The following GNG11 variants were observed in gnomAD, a reference collection of about 807,000 sequenced individuals.
GNG11 encodes the protein guanine nucleotide-binding protein G(I)/G(S)/G(O) subunit gamma-11.
In GNG11, 6 loss-of-function variants were observed where a neutral mutation model predicts 7.4. That is an observed-to-expected ratio of 0.81 (90% CI 0.44 to 1.60). The LOEUF (loss-of-function observed/expected upper bound fraction) is 1.60, where lower values mean the gene tolerates loss of function less well. Ranked by LOEUF, GNG11 falls within the 40% of genes most tolerant of loss-of-function variation. The probability of loss-of-function intolerance (pLI) is 0.01; values close to 1 mark genes in which losing one functional copy is unlikely to be tolerated. For missense variants in GNG11, 65 were observed against 83.0 expected (o/e 0.78, Z 0.84); for synonymous variants, 31 against 25.9 (o/e 1.20, Z -0.60).
Position 93,927,166 on chromosome 7 carries a change from T to C in GNG11, c.*950T>C, listed in dbSNP as rs1038424669. 5.3e-5 allele frequency: 8 copies of C among 152,236 alleles called. No individual in the cohort carries two copies. Among genetic ancestry groups the C allele is most frequent in the Non-Finnish European group, 1.2e-4 (8 of 68,040 alleles). The allele number at this position is 152,236 out of a possible 1,614,324, so 9.4% of individuals were successfully genotyped here. A position where few individuals can be genotyped will look rare whatever the true frequency, so the allele number is the denominator to read the frequency against. ...GCCCACTTTAAAGATTAGTTGGTCT[T>C]TTTCTTACTGATTTGTAGGAATTCT... On this transcript the variant is annotated 3_prime_UTR_variant, in exon 2 of 2. Coordinates refer to ENST00000248564, the MANE Select transcript of GNG11 (RefSeq NM_004126.4).
rs1411185439 is a variant in GNG11, at chr7:93,928,586, T to C, written c.*2370T>C. On this transcript the variant is annotated 3_prime_UTR_variant, in exon 2 of 2. Transcript: ENST00000248564. Reference sequence around the variant, plus strand: ...TGTATAGTTGTGTAATTATTTACTATTTGATTAAAAATAGTTATCATGCAT... The same window carrying C: ...TGTATAGTTGTGTAATTATTTACTACTTGATTAAAAATAGTTATCATGCAT... 6.6e-6 allele frequency: 1 copy of C among 152,206 alleles called. No individual in the cohort carries two copies. The highest frequency in any genetic ancestry group is 2.4e-5 in the African/African-American group (1 of 41,456). The allele number at this position is 152,206 out of a possible 1,614,324, so 9.4% of individuals were successfully genotyped here.
rs2115937930 is a variant in GNG11 at position 93,926,777 on chromosome 7, G to A, written c.*561G>A. 1 of 152,406 alleles carries A rather than the reference G, an allele frequency of 6.6e-6. No individual in the cohort carries two copies. Among genetic ancestry groups the A allele is most frequent in the East Asian group, 1.9e-4 (1 of 5,180 alleles). The allele number at this position is 152,406 out of a possible 1,614,324, so 9.4% of individuals were successfully genotyped here. A position where few individuals can be genotyped will look rare whatever the true frequency, so the allele number is the denominator to read the frequency against. ...CATTGACAGAAGTCAGATTATCTGA[G>A]TCAGGAACAAGGCCAAGCCACATCT... On this transcript the variant is annotated 3_prime_UTR_variant, in exon 2 of 2. Coordinates refer to ENST00000248564, the MANE Select transcript of GNG11 (RefSeq NM_004126.4).
intron 1 of GNG11, among the ~76,000 whole-genome samples, chr7:93,925,627 A>AG (rs1182822937): frequency 6.6e-6 from 1 of 152,196 alleles, no homozygotes; most frequent in African/African-American, 2.4e-5. Context: ...TACACACCCC[A>AG]AAACATTTGG....
Position 93,921,965 on chromosome 7 carries a change from T to C in GNG11, c.-173T>C, listed in dbSNP as rs1275006278. On this transcript the variant is annotated 5_prime_UTR_variant, in exon 1 of 2. Transcript: ENST00000248564. ...CTGGGGCACGCTGGCGTGACAAGCG[T>C]CCCGGAGAAAGCCAAGCCCTCGGGG... 2.1e-5 allele frequency: 10 copies of C among 477,732 alleles called. No homozygotes were observed. The East Asian group carries it at 2.6e-4, about 13-fold the overall frequency. The allele number at this position is 477,732 out of a possible 1,614,324, so 29.6% of individuals were successfully genotyped here. A position where few individuals can be genotyped will look rare whatever the true frequency, so the allele number is the denominator to read the frequency against.
intron 1 of GNG11, among the ~76,000 whole-genome samples, chr7:93,922,963 G>A (rs17303650): frequency 0.047 from 7,192 of 152,202 alleles, 200 homozygotes; most frequent in Middle Eastern, 0.092. Flanking sequence ...CCACTGAAAC[G>A]TCTCGGGAGT....
intron 1 of GNG11, among the ~76,000 whole-genome samples, chr7:93,923,914 T>C (rs1794645579): frequency 6.6e-6 from 1 of 152,274 alleles, no homozygotes; most frequent in South Asian, 2.1e-4. Flanking sequence ...GGCATCTAAA[T>C]CTCAACAATA....
In GNG11 at chr7:93,921,993, C is replaced by G. The variant is rs1029691339; in HGVS notation, c.-145C>G. 2.0e-6 allele frequency: 1 copy of G among 495,672 alleles called. No homozygotes were observed. The highest frequency in any genetic ancestry group is 5.6e-4 in the Middle Eastern group (1 of 1,776). The allele number at this position is 495,672 out of a possible 1,614,324, so 30.7% of individuals were successfully genotyped here. On this transcript the variant is annotated 5_prime_UTR_variant, in exon 1 of 2. Coordinates refer to ENST00000248564, the MANE Select transcript of GNG11 (RefSeq NM_004126.4). ...CGGAGAAAGCCAAGCCCTCGGGGAG[C>G]TGGGGACCGCAGCAGGGCTGCAGTC...
intron 1 of GNG11, among the ~76,000 whole-genome samples, chr7:93,924,423 C>T (rs1794650059): frequency 6.6e-6 from 1 of 152,214 alleles, no homozygotes; most frequent in South Asian, 2.1e-4. Context: ...CGTGCATTAT[C>T]AACTCTAAAA....
rs189724210 is a variant in GNG11 at position 93,922,051 on chromosome 7, T to C, written c.-87T>C. Reference sequence around the variant, plus strand: ...GCGCGGGTGGGCGGCGGGCCAGGCCTTCAGTTGTTTCGGGACGCGCCGAGC... The same window carrying C: ...GCGCGGGTGGGCGGCGGGCCAGGCCCTCAGTTGTTTCGGGACGCGCCGAGC... On this transcript the variant is annotated 5_prime_UTR_variant, in exon 1 of 2. Coordinates refer to ENST00000248564, the MANE Select transcript of GNG11 (RefSeq NM_004126.4). 633 of 781,584 alleles carry C rather than the reference T, an allele frequency of 8.1e-4. 3 individuals are homozygous for C. In the African/African-American group the frequency reaches 0.01, roughly 13 times the overall value. 48.4% of individuals were successfully genotyped at this position (781,584 alleles called of 1,614,324 possible).
rs1293382891 is a variant in GNG11 at position 93,927,994 on chromosome 7, A to C, written c.*1778A>C. 2.6e-5 allele frequency: 4 copies of C among 152,236 alleles called. No homozygotes were observed. Among genetic ancestry groups the C allele is most frequent in the Non-Finnish European group, 5.9e-5 (4 of 68,048 alleles). The allele number at this position is 152,236 out of a possible 1,614,324, so 9.4% of individuals were successfully genotyped here. The stretch of plus-strand genomic sequence containing the variant: ...GGGATTTTAGAGCTTTGGTGCCTGT[A>C]AAGTTTTACTTCTATTAGCTGTTTC... On this transcript the variant is annotated 3_prime_UTR_variant, in exon 2 of 2. Coordinates refer to ENST00000248564, the MANE Select transcript of GNG11 (RefSeq NM_004126.4).
At position 93,927,758 on chromosome 7, in the gene GNG11, A is replaced by G. The variant is rs1794696969; in HGVS notation, c.*1542A>G. ...TTTACACAGACCAAAAGCAGAAACT[A>G]TTTCCTTCAGTTTCCTGACACTGTC... On this transcript the variant is annotated 3_prime_UTR_variant, in exon 2 of 2. Coordinates refer to ENST00000248564, the MANE Select transcript of GNG11 (RefSeq NM_004126.4). The G allele has an allele frequency of 6.6e-6, 1 of 152,096 alleles. No individual in the cohort carries two copies. The highest frequency in any genetic ancestry group is 1.5e-5 in the Non-Finnish European group (1 of 68,012). 9.4% of individuals were successfully genotyped at this position (152,096 alleles called of 1,614,324 possible).
Position 93,926,132 on chromosome 7 carries a change from A to G in GNG11, c.138A>G (p.Glu46=). ...CSEEIKNYIE[E]RSGEDPLVKG... is the part of the protein sequence containing the mutation. ...AAGAAATAAAGAACTATATTGAAGA[A>G]CGTTCTGGAGAGGATCCTCTAGTAA... The change falls in exon 2 of 2, where the codon GAA becomes GAG. Residue 46 remains glutamate (E), a synonymous_variant. Transcript: ENST00000248564. The G allele has an allele frequency of 6.4e-7, 1 of 1,562,458 alleles. No individual in the cohort carries two copies. The highest frequency in any genetic ancestry group is 8.8e-7 in the Non-Finnish European group (1 of 1,142,794).
In GNG11 at chr7:93,922,157, A is replaced by C. The variant is rs1794622037; in HGVS notation, c.20A>C (p.Glu7Ala). The C allele has an allele frequency of 6.3e-7, 1 of 1,593,696 alleles. No individual in the cohort carries two copies. Among genetic ancestry groups the C allele is most frequent in the Admixed American group, 1.7e-5 (1 of 59,124 alleles). ...GCGAAAATGCCTGCCCTTCACATCGAAGATTTGCCAGAGAAGGAAAAACTG... is the reference window on the plus strand; with the variant it reads ...GCGAAAATGCCTGCCCTTCACATCGCAGATTTGCCAGAGAAGGAAAAACTG... MPALHI[E>A]DLPEKEKLKM... The change falls in exon 1 of 2, where the codon GAA becomes GCA. Residue 7 changes from glutamate to alanine, a missense_variant. Physicochemically the swap from Glu to Ala is moderately radical, Grantham distance 107. Coordinates refer to ENST00000248564, the MANE Select transcript of GNG11 (RefSeq NM_004126.4).
At position 93,926,277 on chromosome 7, in the gene GNG11, A is replaced by C. The variant is rs2115936875; in HGVS notation, c.*61A>C. 1 of 1,275,016 alleles carries C rather than the reference A, an allele frequency of 7.8e-7. No individual in the cohort carries two copies. Among genetic ancestry groups the C allele is most frequent in the South Asian group, 1.5e-5 (1 of 64,738 alleles). 79.0% of individuals were successfully genotyped at this position (1,275,016 alleles called of 1,614,324 possible). The stretch of plus-strand genomic sequence containing the variant: ...CTAGTTTGTTTTAGTTTTCCCAGAT[A>C]AAACCAACATGCTTTTTAAGGAAGG... On this transcript the variant is annotated 3_prime_UTR_variant, in exon 2 of 2. Coordinates refer to ENST00000248564, the MANE Select transcript of GNG11 (RefSeq NM_004126.4).
At chr7:93,923,703 A>C (rs944338714) in intron 1 of GNG11, among the ~76,000 whole-genome samples, 2 of 148,660 alleles carry the variant, frequency 1.3e-5, no homozygotes, top group African/African-American at 4.8e-5. Flanking sequence ...CTACTTACTC[A>C]GAGTTTTAAG....
intron 1 of GNG11, among the ~76,000 whole-genome samples, chr7:93,923,481 G>A (rs1206086477): frequency 6.6e-6 from 1 of 152,140 alleles, no homozygotes; most frequent in Non-Finnish European, 1.5e-5. Context: ...CAATAAGCAC[G>A]CTTCTTGAAA....
rs1794687485 is a variant in GNG11, at chr7:93,926,987, T to C, written c.*771T>C. On this transcript the variant is annotated 3_prime_UTR_variant, in exon 2 of 2. Transcript: ENST00000248564. ...TTCCTGCACAGAGCTACATCTCCCA[T>C]GTGCTCTCCAGGTCTTGGGCATGGC... 6.6e-6 allele frequency: 1 copy of C among 152,266 alleles called. No individual in the cohort carries two copies. The highest frequency in any genetic ancestry group is 1.5e-5 in the Non-Finnish European group (1 of 68,084). The allele number at this position is 152,266 out of a possible 1,614,324, so 9.4% of individuals were successfully genotyped here. A position where few individuals can be genotyped will look rare whatever the true frequency, so the allele number is the denominator to read the frequency against.
chr7:93,922,067 C>G lies in GNG11; in HGVS notation c.-71C>G. ...GGCCAGGCCTTCAGTTGTTTCGGGA[C>G]GCGCCGAGCTTCGCCGCTCTTCCAG... On this transcript the variant is annotated 5_prime_UTR_variant, in exon 1 of 2. Coordinates refer to ENST00000248564, the MANE Select transcript of GNG11 (RefSeq NM_004126.4). The G allele has an allele frequency of 1.1e-6, 1 of 945,762 alleles. No individual in the cohort carries two copies. The highest frequency in any genetic ancestry group is 1.6e-6 in the Non-Finnish European group (1 of 635,566). The allele number at this position is 945,762 out of a possible 1,614,324, so 58.6% of individuals were successfully genotyped here. A position where few individuals can be genotyped will look rare whatever the true frequency, so the allele number is the denominator to read the frequency against.
At chr7:93,925,633 T>C (rs545121817) in intron 1 of GNG11, among the ~76,000 whole-genome samples, 30 of 152,176 alleles carry the variant, frequency 2.0e-4, no homozygotes, top group African/African-American at 7.0e-4. Context: ...CCCCAAAACA[T>C]TTGGGGATTA....
Sources: allele counts gnomAD v4.1 joint callset (sites outside exome capture counted in the v4.1 genomes callset), GRCh38; gene constraint gnomAD v4.1.1; transcripts MANE v1.5; gene names NCBI Gene and HGNC (gene_info 2026-07-23, HGNC 2026-07-21).